The following A2ML1 variants were observed in gnomAD, a reference collection of about 807,000 sequenced individuals.
A2ML1 encodes the protein alpha-2-macroglobulin like 1, also known as alpha-2-macroglobulin-like protein 1.
A2ML1 carries 161 observed loss-of-function variants against 181.9 expected under a neutral mutation model. The ratio of observed to expected loss-of-function variants is 0.89; its 90% CI spans 0.78 to 1.01. A2ML1 has a LOEUF of 1.01. A2ML1 is among the 50% of genes least tolerant of loss of function. The probability of loss-of-function intolerance (pLI) is 0.00; values close to 1 mark genes in which losing one functional copy is unlikely to be tolerated. For synonymous variants in A2ML1, 663 were observed against 666.8 expected, an observed-to-expected ratio of 0.99 and a Z score of 0.09; for missense variants, 1,670 against 1,768.1, an observed-to-expected ratio of 0.94 and a Z score of 1.00.
At position 8,847,545 on chromosome 12, in the gene A2ML1, C is replaced by T; in HGVS notation, c.1684-4C>T. On this transcript the variant is annotated splice_region_variant and splice_polypyrimidine_tract_variant and intron_variant, in intron 14 of 35. Transcript: ENST00000299698. ...TCCCCAAGTTATACCTTTCCCTTCC[C>T]CAGGTTTCCCTTGGCTTCTCCCCCT... is the stretch of plus-strand genomic sequence containing the variant. The T allele has an allele frequency of 1.2e-6, 2 of 1,605,970 alleles. No individual in the cohort carries two copies. Among genetic ancestry groups the T allele is most frequent in the South Asian group, 1.1e-5 (1 of 89,736 alleles).
chr12:8,851,272 C>G, intron 18 of A2ML1, among the ~76,000 whole-genome samples: 1 of 152,236 alleles, frequency 6.6e-6, no homozygotes, highest in Middle Eastern at 3.4e-3. Context: ...CACAGAGATG[C>G]CCACCCCGAC....
intron 8 of A2ML1, 126 bp downstream of exon 8, chr12:8,837,692 C>A: frequency 3.9e-6 from 4 of 1,029,240 alleles, no homozygotes; most frequent in Non-Finnish European, 3.9e-6. Context: ...CCAGCCTGAC[C>A]AATATGGGGA....
In A2ML1 at chr12:8,863,810, G is replaced by C; in HGVS notation, c.3519G>C (p.Trp1173Cys). ...QAIISGESIY[W>C]SQKPTPSSNA... ...TTTCCATAGGAGAATCCATTTACTGGAGCCAGAAACCTACTCCATCATCGA... is the reference window on the plus strand; with the variant it reads ...TTTCCATAGGAGAATCCATTTACTGCAGCCAGAAACCTACTCCATCATCGA... Residue 1173 changes from tryptophan (W) to cysteine (C), a missense_variant, in exon 29 of 36, where the codon TGG becomes TGC. Transcript: ENST00000299698. 1 of 1,614,176 alleles carries C rather than the reference G, an allele frequency of 6.2e-7. No homozygotes were observed. Among genetic ancestry groups the C allele is most frequent in the Non-Finnish European group, 8.5e-7 (1 of 1,180,014 alleles).
chr12:8,831,899 G>A (rs574592736), intron 4 of A2ML1, among the ~76,000 whole-genome samples: 9 of 152,166 alleles, frequency 5.9e-5, no homozygotes, highest in Admixed American at 2.0e-4. Context: ...ACAGGCATGC[G>A]CCAACACGCC....
intron 33 of A2ML1, among the ~76,000 whole-genome samples, chr12:8,872,602 A>G (rs1040289087): frequency 6.6e-6 from 1 of 152,040 alleles, no homozygotes. Flanking sequence ...CAATATGGTG[A>G]AACCCCATCC....
intron 10 of A2ML1, 28 bp from the exon 11 acceptor site, chr12:8,841,341 C>T (rs777046386): frequency 1.2e-6 from 2 of 1,605,888 alleles, no homozygotes; most frequent in African/African-American, 2.7e-5. Flanking sequence ...AAACCTAATT[C>T]TAATCCGTAA....
At chr12:8,834,777 C>A in intron 5 of A2ML1, 95 bp downstream of exon 5, 1 of 1,501,184 alleles carries the variant, frequency 6.7e-7, no homozygotes, top group Non-Finnish European at 9.2e-7. Flanking sequence ...ACTCTGAGAT[C>A]TTGGCCCAGA....
rs192368128 is a variant in A2ML1 at position 8,884,198 on chromosome 12, G to T, written c.*95-2309G>T. ...AGGCTTTTGTTTATGATTCTGGATT[G>T]ACTTTCTTTTGAAATTCTTTTTTTT... On this transcript the variant is annotated intron_variant and NMD_transcript_variant, in intron 7 of 7. Coordinates refer to the A2ML1 transcript ENST00000537475. 4.1e-5 allele frequency among the ~76,000 whole-genome samples: 6 copies of T among 146,764 alleles called. No homozygotes were observed. In the East Asian group the frequency reaches 1.2e-3, roughly 30 times the overall value.
chr12:8,845,402 G>A, intron 12 of A2ML1, 40 bp from the exon 13 acceptor site: 1 of 1,606,056 alleles, frequency 6.2e-7, no homozygotes. Context: ...TGAAATTACT[G>A]TAACTTCTGT....
rs929261446 is a variant in A2ML1 at position 8,852,947 on chromosome 12, C to T, written c.2590+611C>T. 2.0e-5 allele frequency among the ~76,000 whole-genome samples: 3 copies of T among 152,172 alleles called. No individual in the cohort carries two copies. The highest frequency in any genetic ancestry group is 2.9e-5 in the Non-Finnish European group (2 of 68,038). Reference sequence around the variant, plus strand: ...CTGACCTCAGGTGACCTGCCTGCCTCGGCCTCCCAAAGTGCTGGGATTACA... The same window carrying T: ...CTGACCTCAGGTGACCTGCCTGCCTTGGCCTCCCAAAGTGCTGGGATTACA... On this transcript the variant is annotated intron_variant, in intron 20 of 35. Transcript: ENST00000299698. The surrounding 1 kb of genome is among the most constrained non-coding windows in gnomAD (Gnocchi z 4.2).
At chr12:8,837,914 G>A (rs761283669) in intron 8 of A2ML1, among the ~76,000 whole-genome samples, 1 of 139,384 alleles carries the variant, frequency 7.2e-6, no homozygotes, top group Non-Finnish European at 1.5e-5. Context: ...AAAAAAGAAC[G>A]TATCCACATG....
rs1944350342 is a variant in A2ML1, at chr12:8,863,833, CG to C, written c.3543del (p.Asn1182ThrfsTer11). The C allele has an allele frequency of 1.2e-6, 2 of 1,614,096 alleles. No individual in the cohort carries two copies. Among genetic ancestry groups the C allele is most frequent in the Non-Finnish European group, 1.7e-6 (2 of 1,180,020 alleles). On this transcript the variant is annotated frameshift_variant, in exon 29 of 36. Coordinates refer to ENST00000299698, the MANE Select transcript of A2ML1 (RefSeq NM_144670.6). LOFTEE classifies it high-confidence loss of function. ...TGGAGCCAGAAACCTACTCCATCAT[CG>C]AACGCCAGCCCTTGGTCTGAGCCTG... ...IYWSQKPTPS[S>X]NASPWSEPAA...
At chr12:8,874,932 G>A (rs1944753493) in intron 34 of A2ML1, 39 bp from the exon 35 acceptor site, 3 of 1,606,490 alleles carry the variant, frequency 1.9e-6, no homozygotes, top group African/African-American at 1.3e-5. Flanking sequence ...GAATATAGGA[G>A]GCCCTCAAAG....
Position 8,852,731 on chromosome 12 carries a change from C to G in A2ML1, c.2590+395C>G, listed in dbSNP as rs1943934249. 1.3e-5 allele frequency among the ~76,000 whole-genome samples: 2 copies of G among 152,218 alleles called. No homozygotes were observed. Among genetic ancestry groups the G allele is most frequent in the South Asian group, 2.1e-4 (1 of 4,830 alleles). On this transcript the variant is annotated intron_variant, in intron 20 of 35. Coordinates refer to ENST00000299698, the MANE Select transcript of A2ML1 (RefSeq NM_144670.6). The surrounding 1 kb of genome is among the most constrained non-coding windows in gnomAD (Gnocchi z 4.2). The stretch of plus-strand genomic sequence containing the variant: ...TTTATTTTTGAGAGGAAGTCTCGCT[C>G]TGTTGCGCAGGCTGGAGTGCAGTGG...
At chr12:8,847,429 A>G in intron 14 of A2ML1, 120 bp from the exon 15 acceptor site, 1 of 1,236,040 alleles carries the variant, frequency 8.1e-7, no homozygotes, top group African/African-American at 1.5e-5. Context: ...GATAAGTACA[A>G]AAGTGAAAGA....
At position 8,823,352 on chromosome 12, in the gene A2ML1, G is replaced by T. The variant is rs1421989371; in HGVS notation, c.233G>T (p.Cys78Phe). The T allele has an allele frequency of 6.2e-6, 10 of 1,613,544 alleles. No individual in the cohort carries two copies. In the African/African-American group the frequency reaches 1.1e-4, roughly 17 times the overall value. The stretch of plus-strand genomic sequence containing the variant: ...GGACTGAAGAAGAGGCACTTACATT[G>T]TATCTCCTTTCTTGTAAGCACAGAC... ...YSGLKKRHLHCISFLVPPPAG... is the reference protein window; with the variant it reads ...YSGLKKRHLHFISFLVPPPAG... The change falls in exon 2 of 36, where the codon TGT becomes TTT. Residue 78 changes from cysteine to phenylalanine, a missense_variant. Coordinates refer to ENST00000299698, the MANE Select transcript of A2ML1 (RefSeq NM_144670.6).
chr12:8,855,342 A>G (rs1354199222), intron 22 of A2ML1, among the ~76,000 whole-genome samples, 167 bp from the exon 23 acceptor site: 1 of 152,160 alleles, frequency 6.6e-6, no homozygotes, highest in Non-Finnish European at 1.5e-5. Flanking sequence ...TGTGGAATTT[A>G]TTTTCAGCAA....
At position 8,841,458 on chromosome 12, in the gene A2ML1, C is replaced by G. The variant is rs781527794; in HGVS notation, c.1170C>G (p.Thr390=). 6.2e-7 allele frequency: 1 copy of G among 1,613,854 alleles called. No homozygotes were observed. The highest frequency in any genetic ancestry group is 8.5e-7 in the Non-Finnish European group (1 of 1,179,810). Reference sequence around the variant, plus strand: ...GCACAAATGGAACCTTCAACCAGACCCTGGTTACTGATAACAATGGCCTAG... The same window carrying G: ...GCACAAATGGAACCTTCAACCAGACGCTGGTTACTGATAACAATGGCCTAG... The part of the protein sequence containing the change: ...IYGTNGTFNQ[T]LVTDNNGLAP... Residue 390 remains threonine (T), a synonymous_variant, in exon 11 of 36, where the codon ACC becomes ACG. Coordinates refer to ENST00000299698, the MANE Select transcript of A2ML1 (RefSeq NM_144670.6).
At chr12:8,866,237 A>G (rs11494747) in intron 29 of A2ML1, among the ~76,000 whole-genome samples, 110,826 of 147,634 alleles carry the variant, frequency 0.75, 42,864 homozygotes, top group East Asian at 0.94. Context: ...CCCAGGAGGC[A>G]GAGCTTGCAG....
Sources: allele counts gnomAD v4.1 joint callset (sites outside exome capture counted in the v4.1 genomes callset), GRCh38; gene constraint gnomAD v4.1.1; non-coding constraint Gnocchi (gnomAD v3.1); transcripts MANE v1.5; gene names NCBI Gene and HGNC (gene_info 2026-07-23, HGNC 2026-07-21).